Variants in MED13L observed in about 807,000 individuals in gnomAD.
The protein encoded by MED13L is mediator of RNA polymerase II transcription subunit 13-like.
In MED13L, 7 loss-of-function variants were observed where a neutral mutation model predicts 220.9. The ratio of observed to expected loss-of-function variants is 0.03; its 90% confidence interval spans 0.02 to 0.06. The LOEUF (loss-of-function observed/expected upper bound fraction) is 0.06. MED13L is among the 10% of genes least tolerant of loss of function. The probability of loss-of-function intolerance (pLI) is 1.00; values close to 1 mark genes in which losing one functional copy is unlikely to be tolerated. For synonymous variants in MED13L, 1,011 were observed against 1,015.2 expected, an observed-to-expected ratio of 1.00 and a Z score of 0.08; for missense variants, 1,965 against 2,760.5, an observed-to-expected ratio of 0.71 and a Z score of 6.46.
chr12:116,132,524 C>A (rs1043911994), intron 2 of MED13L, among the ~76,000 whole-genome samples: 2 of 151,930 alleles, frequency 1.3e-5, no homozygotes, highest in African/African-American at 4.8e-5. Flanking sequence ...ACTAAGTATG[C>A]TATTTCCACA....
chr12:116,126,395 C>A (rs939777491), intron 2 of MED13L, among the ~76,000 whole-genome samples: 1 of 152,086 alleles, frequency 6.6e-6, no homozygotes. Context: ...CAGGCCTGGG[C>A]GGCTCCCATA....
At chr12:115,975,087 C>T in intron 25 of MED13L, 84 bp downstream of exon 25, 5 of 1,372,236 alleles carry the variant, frequency 3.6e-6, no homozygotes, top group South Asian at 1.2e-5. Context: ...CAAATTTAAA[C>T]ATTTTCTCCC....
intron 2 of MED13L, among the ~76,000 whole-genome samples, chr12:116,124,961 A>G (rs1385095162): frequency 6.6e-6 from 1 of 152,212 alleles, no homozygotes; most frequent in Non-Finnish European, 1.5e-5. Flanking sequence ...ATTGGAAAAT[A>G]CTTTTTCAAA....
At chr12:115,997,315 C>T (rs2137331569) in intron 14 of MED13L, 85 bp from the exon 15 acceptor site, 1 of 1,041,602 alleles carries the variant, frequency 9.6e-7, no homozygotes, top group Non-Finnish European at 1.5e-6. Context: ...CTCTTTGGCA[C>T]CAAAAATAGT....
intron 2 of MED13L, among the ~76,000 whole-genome samples, chr12:116,211,085 C>T (rs1882672841): frequency 6.6e-6 from 1 of 152,090 alleles, no homozygotes; most frequent in African/African-American, 2.4e-5. Flanking sequence ...CTAATTATGC[C>T]GCTAGCCAGA....
At position 115,982,438 on chromosome 12, in the gene MED13L, G is replaced by A. The variant is rs1877392430; in HGVS notation, c.5121C>T (p.Tyr1707=). ...CAGGTAAATTATCCAGCATTTCTGT[G>A]TAGCAGCGCATCAAGCTCAACAGCC... ...NFWLLSLMRC[Y]TEMLDNLPEH... The change falls in exon 22 of 31, where the codon TAC becomes TAT. Residue 1707 remains tyrosine (Y), a synonymous_variant. Coordinates refer to ENST00000281928, the MANE Select transcript of MED13L (RefSeq NM_015335.5). The A allele has an allele frequency of 1.9e-6, 3 of 1,614,046 alleles. No individual in the cohort carries two copies. Among genetic ancestry groups the A allele is most frequent in the South Asian group, 1.1e-5 (1 of 91,088 alleles).
At chr12:116,212,674 T>C (rs1882770413) in intron 2 of MED13L, among the ~76,000 whole-genome samples, 1 of 152,170 alleles carries the variant, frequency 6.6e-6, no homozygotes, top group Non-Finnish European at 1.5e-5. Context: ...AACAAAACTT[T>C]AACCTACATT....
At chr12:116,230,371 G>T in intron 2 of MED13L, 4 of 591,366 alleles carry the variant, frequency 6.8e-6, no homozygotes, top group Non-Finnish European at 8.5e-6. Context: ...CTGCACTCCA[G>T]CCTGGGTGAC....
At chr12:116,143,454 T>C (rs1015975364) in intron 2 of MED13L, among the ~76,000 whole-genome samples, 3 of 152,126 alleles carry the variant, frequency 2.0e-5, no homozygotes, top group Middle Eastern at 3.2e-3. Context: ...TCATAATGGG[T>C]GTGTCCTGAA....
intron 2 of MED13L, among the ~76,000 whole-genome samples, chr12:116,124,146 G>GAGAGAGAGAGAGAGAGAC (rs1555213747): frequency 6.7e-6 from 1 of 148,288 alleles, no homozygotes; most frequent in South Asian, 2.2e-4. Flanking sequence ...GAGAGAGAGA[G>GAGAGAGAGAGAGAGAGAC]AGAGACAGAG....
chr12:116,001,958 C>A (rs761628404), intron 14 of MED13L, among the ~76,000 whole-genome samples: 77 of 152,130 alleles, frequency 5.1e-4, no homozygotes, highest in Admixed American at 5.0e-3. Context: ...CTACGCATCA[C>A]GTCATGTCAA....
chr12:115,965,780 TAG>T (rs1192875268), intron 29 of MED13L, among the ~76,000 whole-genome samples: 1 of 152,152 alleles, frequency 6.6e-6, no homozygotes, highest in Non-Finnish European at 1.5e-5. Flanking sequence ...TGATGCAATA[TAG>T]ACTTGGAGAA....
chr12:116,145,216 CA>C (rs1220308381), intron 2 of MED13L, among the ~76,000 whole-genome samples: 2 of 152,190 alleles, frequency 1.3e-5, no homozygotes, highest in South Asian at 2.1e-4. Flanking sequence ...TCCTAAATGG[CA>C]GATGGAAATC....
chr12:116,108,392 G>C (rs1028939491), intron 3 of MED13L, among the ~76,000 whole-genome samples: 2 of 109,726 alleles, frequency 1.8e-5, no homozygotes, highest in African/African-American at 6.1e-5. Context: ...TAAAAGAAAG[G>C]GGGGGGGGGC....
chr12:115,994,090 T>C (rs1038497556), intron 16 of MED13L, among the ~76,000 whole-genome samples: 1 of 152,184 alleles, frequency 6.6e-6, no homozygotes, highest in Non-Finnish European at 1.5e-5. Flanking sequence ...ACTAGCCACA[T>C]TTCAAGTGGT....
intron 2 of MED13L, among the ~76,000 whole-genome samples, chr12:116,225,819 T>C (rs1350013343): frequency 6.6e-6 from 1 of 152,198 alleles, no homozygotes; most frequent in Non-Finnish European, 1.5e-5. Context: ...ATATTTACTT[T>C]TTTTCTCTTG....
intron 2 of MED13L, among the ~76,000 whole-genome samples, chr12:116,232,570 C>A (rs1869667219): frequency 6.6e-6 from 1 of 152,144 alleles, no homozygotes; most frequent in Non-Finnish European, 1.5e-5. Flanking sequence ...TACATTAGAA[C>A]CTCATAAAAT....
At chr12:116,140,810 G>A (rs1018992501) in intron 2 of MED13L, among the ~76,000 whole-genome samples, 3 of 152,150 alleles carry the variant, frequency 2.0e-5, no homozygotes, top group Non-Finnish European at 4.4e-5. Context: ...TCTTAGGGAG[G>A]CTTCTAACTA....
rs1877478115 is a variant in MED13L, at chr12:115,983,459, C to T, written c.4613G>A (p.Gly1538Glu). The T allele has an allele frequency of 1.2e-6, 2 of 1,614,034 alleles. No homozygotes were observed. Among genetic ancestry groups the T allele is most frequent in the African/African-American group, 2.7e-5 (2 of 74,924 alleles). ...CCCAGCATTCCCTGGCGTAGCTTGTCCCTGTGCTGCTGCTGGTGGGGTCTG... is the reference window on the plus strand; with the variant it reads ...CCCAGCATTCCCTGGCGTAGCTTGTTCCTGTGCTGCTGCTGGTGGGGTCTG... Reference protein sequence around the residue: ...KYQTPPAAAQGQATPGNAGPL... With the variant: ...KYQTPPAAAQEQATPGNAGPL... Residue 1538 changes from glycine (G) to glutamate (E), a missense_variant, in exon 21 of 31, where the codon GGA becomes GAA. By Grantham distance (98) the Gly-to-Glu change is moderately conservative. Coordinates refer to ENST00000281928, the MANE Select transcript of MED13L (RefSeq NM_015335.5).
Sources: allele counts gnomAD v4.1 joint callset (sites outside exome capture counted in the v4.1 genomes callset), GRCh38; gene constraint gnomAD v4.1.1; transcripts MANE v1.5; gene names NCBI Gene and HGNC (gene_info 2026-07-23, HGNC 2026-07-21).